The following RYR2 variants were observed in gnomAD, a reference collection of about 807,000 sequenced individuals.
RYR2 encodes cardiac muscle ryanodine receptor-calcium release channel.
Under a neutral mutation model 601.1 loss-of-function variants are expected in RYR2, and 227 were observed. That is an observed-to-expected ratio of 0.38 (90% CI 0.34 to 0.42). The LOEUF (loss-of-function observed/expected upper bound fraction) is 0.42, where lower values mean the gene tolerates loss of function less well. RYR2 is among the 10% of genes least tolerant of loss of function. The pLI, the probability that RYR2 is intolerant of heterozygous loss-of-function variation, is 1.00. For synonymous variants in RYR2, 2,223 were observed against 2,175.1 expected (o/e 1.02, Z -0.61); for missense variants, 4,646 against 6,156.5 (o/e 0.75, Z 8.21).
chr1:237,414,063 G>A (rs1050868179), intron 10 of RYR2, among the ~76,000 whole-genome samples: 3 of 151,976 alleles, frequency 2.0e-5, no homozygotes, highest in East Asian at 1.9e-4. Context: ...CAGAAAATAC[G>A]ATGAGTAAAA....
At chr1:237,196,534 C>G (rs1680589929) in intron 1 of RYR2, among the ~76,000 whole-genome samples, 1 of 151,960 alleles carries the variant, frequency 6.6e-6, no homozygotes, top group Admixed American at 6.6e-5. Context: ...TTCATTTTTT[C>G]CATATTGATA....
chr1:237,708,407 A>G (rs1237983395), intron 68 of RYR2, among the ~76,000 whole-genome samples: 1 of 152,194 alleles, frequency 6.6e-6, no homozygotes, highest in African/African-American at 2.4e-5. Context: ...ATTATTAAAT[A>G]AGAGAGCAGT....
At chr1:237,765,228 C>T (rs1260218345) in intron 84 of RYR2, among the ~76,000 whole-genome samples, 2 of 152,004 alleles carry the variant, frequency 1.3e-5, no homozygotes, top group Non-Finnish European at 2.9e-5. Flanking sequence ...TTTATCAGAA[C>T]CATTAACCCC....
intron 25 of RYR2, among the ~76,000 whole-genome samples, chr1:237,538,710 G>C (rs1260109490): frequency 6.6e-6 from 1 of 150,714 alleles, no homozygotes; most frequent in Non-Finnish European, 1.5e-5. Flanking sequence ...GGCGGAGGTT[G>C]CTGTGAGCCA....
At chr1:237,347,246 C>T (rs1345784513) in intron 3 of RYR2, among the ~76,000 whole-genome samples, 1 of 152,068 alleles carries the variant, frequency 6.6e-6, no homozygotes, top group Non-Finnish European at 1.5e-5. Context: ...TCACTAGAAC[C>T]TGGGAGTTCC....
Position 237,625,717 on chromosome 1 carries a change from G to A in RYR2, c.6079G>A (p.Gly2027Arg), listed in dbSNP as rs1226663873. 11 of 1,613,632 alleles carry A rather than the reference G, an allele frequency of 6.8e-6. No homozygotes were observed. In the Middle Eastern group the frequency reaches 9.9e-4, roughly 145 times the overall value. Reference protein sequence around the residue: ...LDGNSDLTIRGRLLSLVEKVT... With the variant: ...LDGNSDLTIRRRLLSLVEKVT... ...TGGAAACAGTGATTTAACAATTAGA[G>A]GGCGTCTGCTATCCCTGGTAGAAAA... Residue 2027 changes from glycine to arginine, a missense_variant, in exon 40 of 105, where the codon GGG becomes AGG. By Grantham distance (125) the Gly-to-Arg change is moderately radical. Coordinates refer to ENST00000366574, the MANE Select transcript of RYR2 (RefSeq NM_001035.3).
In RYR2 at chr1:237,660,804, C is replaced by T. The variant is rs1683710739; in HGVS notation, c.8299-6C>T. 6.5e-7 allele frequency: 1 copy of T among 1,534,836 alleles called. No homozygotes were observed. Among genetic ancestry groups the T allele is most frequent in the South Asian group, 1.2e-5 (1 of 81,358 alleles). Reference sequence around the variant, plus strand: ...TATCTGTTGTTTCTTGTTTTTTCTTCTCTAGGAAAAAGAAATTTATCGCTG... The same window carrying T: ...TATCTGTTGTTTCTTGTTTTTTCTTTTCTAGGAAAAAGAAATTTATCGCTG... On this transcript the variant is annotated splice_polypyrimidine_tract_variant and splice_region_variant and intron_variant, in intron 55 of 104. Coordinates refer to ENST00000366574, the MANE Select transcript of RYR2 (RefSeq NM_001035.3).
chr1:237,062,283 A>G (rs1345828122), intron 1 of RYR2, among the ~76,000 whole-genome samples: 2 of 152,228 alleles, frequency 1.3e-5, no homozygotes, highest in Non-Finnish European at 2.9e-5. Context: ...AGCTGCTGGA[A>G]TTTTTAATGA....
At chr1:237,764,479 C>T (rs890553241) in intron 84 of RYR2, among the ~76,000 whole-genome samples, 1 of 134,834 alleles carries the variant, frequency 7.4e-6, no homozygotes, top group Middle Eastern at 5.2e-3. Context: ...GATGGAGTGT[C>T]GCTCTGTCGC....
intron 17 of RYR2, among the ~76,000 whole-genome samples, chr1:237,484,921 G>A (rs12060093): frequency 0.35 from 52,546 of 151,960 alleles, 12,172 homozygotes; most frequent in African/African-American, 0.67. Context: ...TTCCTTTCTC[G>A]GGAGAACATA....
chr1:237,349,951 C>A (rs530060704), intron 3 of RYR2, among the ~76,000 whole-genome samples: 39 of 151,888 alleles, frequency 2.6e-4, no homozygotes, highest in African/African-American at 9.2e-4. Flanking sequence ...AAATTGTGTA[C>A]CTTAAATAAA....
intron 7 of RYR2, among the ~76,000 whole-genome samples, chr1:237,375,987 A>G (rs868707827): frequency 9.3e-5 from 14 of 151,056 alleles, no homozygotes; most frequent in South Asian, 8.4e-4. Context: ...GAATTCCTCA[A>G]TTATTTATTG....
chr1:237,319,903 T>C (rs1177242025), intron 2 of RYR2, among the ~76,000 whole-genome samples: 3 of 152,222 alleles, frequency 2.0e-5, no homozygotes, highest in Non-Finnish European at 4.4e-5. Flanking sequence ...CTTTCATAGA[T>C]GGTGCAGTGT....
chr1:237,454,511 G>A lies in RYR2; in HGVS notation c.1413G>A (p.Glu471=), dbSNP rs979423381. ...TCCACCCCCCAGATGAGCATTTAGA[G>A]CATGAAGACAAACAGAACAGACTAC... ...GYFHPPDEHL[E]HEDKQNRLRA... Residue 471 remains glutamate (E), a synonymous_variant, in exon 15 of 105, where the codon GAG becomes GAA. Coordinates refer to ENST00000366574, the MANE Select transcript of RYR2 (RefSeq NM_001035.3). 9 of 1,613,386 alleles carry A rather than the reference G, an allele frequency of 5.6e-6. No homozygotes were observed. The highest frequency in any genetic ancestry group is 1.3e-5 in the African/African-American group (1 of 74,892).
chr1:237,803,289 T>TTTCCTC (rs1298499134), intron 98 of RYR2, among the ~76,000 whole-genome samples: 1 of 150,666 alleles, frequency 6.6e-6, no homozygotes, highest in African/African-American at 2.5e-5. Flanking sequence ...AAATTTTCCT[T>TTTCCTC]TTCCTCAGTC....
chr1:237,333,383 A>G (rs1372153972), intron 3 of RYR2, among the ~76,000 whole-genome samples: 1 of 152,186 alleles, frequency 6.6e-6, no homozygotes. Context: ...CTAGCTTGCC[A>G]CAGGTGATGC....
intron 17 of RYR2, among the ~76,000 whole-genome samples, chr1:237,484,875 G>C (rs191913567): frequency 6.6e-6 from 1 of 152,216 alleles, no homozygotes; most frequent in Non-Finnish European, 1.5e-5. Flanking sequence ...ATACCATTAA[G>C]TTATTTCTAG....
chr1:237,708,970 C>A lies in RYR2; in HGVS notation c.10014C>A (p.Asp3338Glu). The A allele has an allele frequency of 6.2e-7, 1 of 1,613,724 alleles. No homozygotes were observed. Among genetic ancestry groups the A allele is most frequent in the South Asian group, 1.1e-5 (1 of 91,056 alleles). The change falls in exon 69 of 105, where the codon GAC (aspartate) becomes GAA (glutamate). Residue 3338 changes from aspartate (D) to glutamate (E), a missense_variant. Physicochemically the swap from Asp to Glu is conservative, Grantham distance 45. Around this residue, in one of 17 missense-constraint regions of RYR2, gnomAD observed 1,497 missense variants for 1,842.6 expected, o/e 0.81. Transcript: ENST00000366574. ...KKAATVVSEE[D>E]HLKAEARGDM... ...CAGCTACGGTGGTGTCTGAGGAAGA[C>A]CACCTGAAAGCTGAGGCCAGGGGGG...
Position 237,832,684 on chromosome 1 carries a change from CCCCTCTCTCT to C in RYR2, c.*47_*56del, listed in dbSNP as rs1663939944. The stretch of plus-strand genomic sequence containing the variant: ...ATCACCTCTAAAAACCAAAACCCTA[CCCCTCTCTCT>C]CCCTCTCTCAATTTCTCTGCTCTCT... On this transcript the variant is annotated 3_prime_UTR_variant, in exon 105 of 105. Coordinates refer to ENST00000366574, the MANE Select transcript of RYR2 (RefSeq NM_001035.3). 1 of 1,215,972 alleles carries C rather than the reference CCCCTCTCTCT, an allele frequency of 8.2e-7. No individual in the cohort carries two copies. Among genetic ancestry groups the C allele is most frequent in the Non-Finnish European group, 1.2e-6 (1 of 827,116 alleles). The allele number at this position is 1,215,972 out of a possible 1,614,324, so 75.3% of individuals were successfully genotyped here.
Sources: allele counts gnomAD v4.1 joint callset (sites outside exome capture counted in the v4.1 genomes callset), GRCh38; gene constraint gnomAD v4.1.1; regional missense constraint gnomAD v4.1.1; transcripts MANE v1.5; gene names NCBI Gene and HGNC (gene_info 2026-07-23, HGNC 2026-07-21).